PRR14L: variants seen among roughly 807,000 people sequenced by gnomAD.
PRR14L encodes the protein proline rich 14 like.
Under a neutral mutation model 155.0 loss-of-function variants are expected in PRR14L, and 80 were observed. The ratio of observed to expected loss-of-function variants is 0.52; its 90% confidence interval spans 0.43 to 0.62. The LOEUF (loss-of-function observed/expected upper bound fraction) is 0.62. PRR14L is among the 20% of genes least tolerant of loss of function. The probability of loss-of-function intolerance (pLI) is 0.00; values close to 1 mark genes in which losing one functional copy is unlikely to be tolerated. For synonymous variants in PRR14L, 883 were observed against 916.0 expected, an observed-to-expected ratio of 0.96 and a Z score of 0.65; for missense variants, 2,469 against 2,548.0, an observed-to-expected ratio of 0.97 and a Z score of 0.67.
In PRR14L at chr22:31,719,946, G is replaced by A. The variant is rs147107054; in HGVS notation, c.548-2655C>T. ...GAAACAAGGTTATTTATGTTGCCCA[G>A]GCTGACCTTGAACACCTGAGCTCAA... On this transcript the variant is annotated intron_variant, in intron 3 of 8. Coordinates refer to ENST00000327423, the MANE Select transcript of PRR14L (RefSeq NM_173566.3). Among the ~76,000 whole-genome samples the A allele has an allele frequency of 3.7e-4, 56 of 152,088 alleles. 1 individual carries two copies. The East Asian group carries it at 9.5e-3, about 26-fold the overall frequency.
At position 31,715,895 on chromosome 22, in the gene PRR14L, A is replaced by G; in HGVS notation, c.1944T>C (p.Ser648=). Residue 648 remains serine, a synonymous_variant, in exon 4 of 9, where the codon AGT becomes AGC. Coordinates refer to ENST00000327423, the MANE Select transcript of PRR14L (RefSeq NM_173566.3). ...TNELVVNKVE[S]ECVLNQQVSL... ...ACACTTGTTGATTTAAAACACATTC[A>G]CTTTCTACTTTGTTTACAACCAGTT... is the stretch of plus-strand genomic sequence containing the variant. 1 of 1,551,576 alleles carries G rather than the reference A, an allele frequency of 6.4e-7. No individual in the cohort carries two copies. Among genetic ancestry groups the G allele is most frequent in the Admixed American group, 2.0e-5 (1 of 50,988 alleles).
chr22:31,734,646 A>T (rs1788101766), intron 2 of PRR14L, among the ~76,000 whole-genome samples: 1 of 152,136 alleles, frequency 6.6e-6, no homozygotes, highest in African/African-American at 2.4e-5. Context: ...TGACCTCTAA[A>T]TTGCTGAAGG....
At position 31,704,650 on chromosome 22, in the gene PRR14L, C is replaced by G; in HGVS notation, c.5828+5G>C. On this transcript the variant is annotated splice_donor_5th_base_variant and intron_variant, in intron 5 of 8. Coordinates refer to ENST00000327423, the MANE Select transcript of PRR14L (RefSeq NM_173566.3). ...GCACACACACGCTGAGTCTCATGTG[C>G]TTACCTCGTCTGACTGCCGCTGGTG... 1 of 1,613,158 alleles carries G rather than the reference C, an allele frequency of 6.2e-7. No individual in the cohort carries two copies.
At position 31,716,909 on chromosome 22, in the gene PRR14L, G is replaced by GGCCTGCTGT; in HGVS notation, c.929_930insACAGCAGGC (p.Asp310delinsGluGlnGlnAla). 1.3e-6 allele frequency: 2 copies of GGCCTGCTGT among 1,552,048 alleles called. No homozygotes were observed. The highest frequency in any genetic ancestry group is 1.7e-6 in the Non-Finnish European group (2 of 1,147,070). ...GGTGGCCATGAAGCTGTTGGTGATT[G>GGCCTGCTGT]TCATCTGCTTCACAGACCAGGTTTG... On this transcript the variant is annotated protein_altering_variant, in exon 4 of 9. Coordinates refer to ENST00000327423, the MANE Select transcript of PRR14L (RefSeq NM_173566.3).
chr22:31,713,525 T>C lies in PRR14L; in HGVS notation c.4314A>G (p.Lys1438=). ...TTTCATTGATCATGGTGGACTCATC[T>C]TTGTCAGCCTTCGGTTGGTTCTGAT... The part of the protein sequence containing the change: ...AQNQNQPKAD[K]DESTMINEIT... The change falls in exon 4 of 9, where the codon AAA becomes AAG. Residue 1438 remains lysine, a synonymous_variant. Coordinates refer to ENST00000327423, the MANE Select transcript of PRR14L (RefSeq NM_173566.3). 6.4e-7 allele frequency: 1 copy of C among 1,552,178 alleles called. No homozygotes were observed. The highest frequency in any genetic ancestry group is 1.4e-5 in the African/African-American group (1 of 73,176).
chr22:31,721,108 G>C (rs1229675235), intron 3 of PRR14L, among the ~76,000 whole-genome samples: 1 of 152,176 alleles, frequency 6.6e-6, no homozygotes, highest in Non-Finnish European at 1.5e-5. Context: ...TAAAAGTCAG[G>C]ACAGCCGAAA....
At chr22:31,733,559 C>T (rs923608735) in intron 2 of PRR14L, among the ~76,000 whole-genome samples, 4 of 152,052 alleles carry the variant, frequency 2.6e-5, no homozygotes, top group Non-Finnish European at 5.9e-5. Context: ...CCCGCCTCGG[C>T]CCCCCGAAGC....
chr22:31,693,505 A>G (rs930058825), intron 7 of PRR14L, among the ~76,000 whole-genome samples: 1 of 152,228 alleles, frequency 6.6e-6, no homozygotes, highest in Non-Finnish European at 1.5e-5. Flanking sequence ...TCCAAGTTTT[A>G]GAAATTCTGA....
intron 2 of PRR14L, among the ~76,000 whole-genome samples, chr22:31,738,135 TCA>T (rs998622665): frequency 6.6e-6 from 1 of 152,200 alleles, no homozygotes; most frequent in Non-Finnish European, 1.5e-5. Context: ...ACCATGATTT[TCA>T]CAGACTCAAC....
At position 31,715,681 on chromosome 22, in the gene PRR14L, C is replaced by G; in HGVS notation, c.2158G>C (p.Gly720Arg). The change falls in exon 4 of 9, where the codon GGT (glycine) becomes CGT (arginine). Residue 720 changes from glycine (G) to arginine (R), a missense_variant. Transcript: ENST00000327423. Reference protein sequence around the residue: ...QTKIKDISPPGNQTCGASSNC... With the variant: ...QTKIKDISPPRNQTCGASSNC... ...GAAGAGGCACCACAGGTTTGGTTACCTGGTGGAGAGATGTCTTTTATTTTT... is the reference window on the plus strand; with the variant it reads ...GAAGAGGCACCACAGGTTTGGTTACGTGGTGGAGAGATGTCTTTTATTTTT... 1 of 1,552,244 alleles carries G rather than the reference C, an allele frequency of 6.4e-7. No homozygotes were observed. The highest frequency in any genetic ancestry group is 8.7e-7 in the Non-Finnish European group (1 of 1,147,094).
intron 4 of PRR14L, among the ~76,000 whole-genome samples, chr22:31,705,580 G>T (rs539343978): frequency 1.4e-4 from 22 of 151,988 alleles, no homozygotes; most frequent in Non-Finnish European, 2.6e-4. Flanking sequence ...CACCATATTG[G>T]CCAGGCTGGT....
chr22:31,727,980 G>GAA (rs131242), intron 2 of PRR14L, among the ~76,000 whole-genome samples: 1 of 125,964 alleles, frequency 7.9e-6, no homozygotes, highest in Non-Finnish European at 1.7e-5. Context: ...CACTGTCTCA[G>GAA]AAAAAAAAAA....
At chr22:31,728,834 A>T (rs2074732464) in intron 2 of PRR14L, among the ~76,000 whole-genome samples, 1 of 152,076 alleles carries the variant, frequency 6.6e-6, no homozygotes, top group African/African-American at 2.4e-5. Context: ...ATCTACCATT[A>T]TGGGGAAAAA....
At chr22:31,688,518 G>A (rs1307257586) in intron 7 of PRR14L, among the ~76,000 whole-genome samples, 1 of 151,762 alleles carries the variant, frequency 6.6e-6, no homozygotes, top group African/African-American at 2.4e-5. Flanking sequence ...CTTTTCGTTT[G>A]CTCCAACCTG....
Position 31,703,591 on chromosome 22 carries a change from C to G in PRR14L, c.5959G>C (p.Ala1987Pro). Reference protein sequence around the residue: ...GLDELDGVKAACPCPQSSPPE... With the variant: ...GLDELDGVKAPCPCPQSSPPE... ...GGGCTGCTCTGTGGGCAGGGGCATG[C>G]TGCTTTCACACCATCCAGCTCATCC... is the stretch of plus-strand genomic sequence containing the variant. The change falls in exon 6 of 9, where the codon GCA becomes CCA. Residue 1987 changes from alanine to proline, a missense_variant. By Grantham distance (27) the Ala-to-Pro change is conservative. Coordinates refer to ENST00000327423, the MANE Select transcript of PRR14L (RefSeq NM_173566.3). 6.2e-7 allele frequency: 1 copy of G among 1,613,994 alleles called. No homozygotes were observed. The highest frequency in any genetic ancestry group is 8.5e-7 in the Non-Finnish European group (1 of 1,179,930).
At chr22:31,747,243 T>C (rs752433038) in intron 1 of PRR14L, among the ~76,000 whole-genome samples, 9 of 151,908 alleles carry the variant, frequency 5.9e-5, no homozygotes, top group Non-Finnish European at 1.3e-4. Flanking sequence ...TCCTAGTAGC[T>C]GGGATTACAG....
At chr22:31,703,835 T>C (rs1282571781) in intron 5 of PRR14L, 114 bp from the exon 6 acceptor site, 1 of 643,170 alleles carries the variant, frequency 1.6e-6, no homozygotes, top group Non-Finnish European at 2.5e-6. Flanking sequence ...TTTGCTCTTG[T>C]TGCCCAGACT....
At position 31,685,476 on chromosome 22, in the gene PRR14L, A is replaced by G; in HGVS notation, c.*51T>C. 1 of 1,465,342 alleles carries G rather than the reference A, an allele frequency of 6.8e-7. No individual in the cohort carries two copies. The highest frequency in any genetic ancestry group is 2.5e-5 in the East Asian group (1 of 40,074). The allele number at this position is 1,465,342 out of a possible 1,614,324, so 90.8% of individuals were successfully genotyped here. The stretch of plus-strand genomic sequence containing the variant: ...AAAAAAAAAAAAAAAACCCAAAAAC[A>G]AAACAAAACAAAAAAACCCTAAAAT... On this transcript the variant is annotated 3_prime_UTR_variant, in exon 9 of 9. Transcript: ENST00000327423.
At chr22:31,747,988 C>CAA (rs150809029) in intron 1 of PRR14L, among the ~76,000 whole-genome samples, 5 of 143,548 alleles carry the variant, frequency 3.5e-5, no homozygotes, top group African/African-American at 1.0e-4. Context: ...CAGCAACAAG[C>CAA]AAAAAAAAAA....
Sources: allele counts gnomAD v4.1 joint callset (sites outside exome capture counted in the v4.1 genomes callset), GRCh38; gene constraint gnomAD v4.1.1; transcripts MANE v1.5; gene names NCBI Gene and HGNC (gene_info 2026-07-23, HGNC 2026-07-21).